INO80: variants seen among roughly 807,000 people sequenced by gnomAD.
INO80 encodes the protein INO80 complex ATPase subunit.
A neutral mutation model predicts 203.4 loss-of-function variants in INO80; 20 were observed. The ratio of observed to expected loss-of-function variants is 0.10; its 90% CI spans 0.07 to 0.14. INO80 has a LOEUF of 0.14. INO80 is among the 10% of genes least tolerant of loss of function. The probability of loss-of-function intolerance (pLI) is 1.00; values close to 1 mark genes in which losing one functional copy is unlikely to be tolerated. For synonymous variants in INO80, 726 were observed against 685.2 expected, an observed-to-expected ratio of 1.06 and a Z score of -0.93; for missense variants, 1,419 against 1,914.4, an observed-to-expected ratio of 0.74 and a Z score of 4.83.
At chr15:41,074,587 AAC>A in intron 9 of INO80, 22 bp from the exon 10 acceptor site, 1 of 1,537,426 alleles carries the variant, frequency 6.5e-7, no homozygotes, top group Non-Finnish European at 8.9e-7. Flanking sequence ...AAAAAGTGAA[AAC>A]AGAGCCAAAT....
intron 1 of INO80, among the ~76,000 whole-genome samples, chr15:41,111,531 A>G (rs867116357): frequency 5.9e-5 from 9 of 152,086 alleles, no homozygotes; most frequent in African/African-American, 1.7e-4. Context: ...AACAGGCCAC[A>G]CAGTGGCTCA....
chr15:41,072,209 A>AT, intron 11 of INO80, 151 bp from the exon 12 acceptor site: 1 of 547,356 alleles, frequency 1.8e-6, no homozygotes. Flanking sequence ...ACGTAGTATC[A>AT]TATGACATCA....
intron 12 of INO80, among the ~76,000 whole-genome samples, chr15:41,071,100 T>C (rs891864453): frequency 2.6e-5 from 4 of 152,046 alleles, no homozygotes; most frequent in African/African-American, 4.8e-5. Context: ...GCCCAGGAGT[T>C]TAAGGCTACA....
chr15:41,102,818 CTATT>C (rs1272585549), intron 1 of INO80, among the ~76,000 whole-genome samples: 4 of 152,150 alleles, frequency 2.6e-5, no homozygotes, highest in Non-Finnish European at 5.9e-5. Context: ...TTTGGATACT[CTATT>C]TAATAATCTT....
rs192335000 is a variant in INO80 at position 41,052,451 on chromosome 15, T to C, written c.2274+1478A>G. On this transcript the variant is annotated intron_variant, in intron 19 of 35. Transcript: ENST00000648947. Reference sequence around the variant, plus strand: ...ACTCTGGGAGGTTGAGGTGGGAGGATTGCTGGAGTCCAGGAGTTCAAGACT... The same window carrying C: ...ACTCTGGGAGGTTGAGGTGGGAGGACTGCTGGAGTCCAGGAGTTCAAGACT... 2.6e-5 allele frequency among the ~76,000 whole-genome samples: 4 copies of C among 151,666 alleles called. No homozygotes were observed. In the East Asian group the frequency reaches 5.8e-4, roughly 22 times the overall value.
intron 26 of INO80, among the ~76,000 whole-genome samples, chr15:41,019,012 A>T (rs1596263627): frequency 6.6e-6 from 1 of 152,248 alleles, no homozygotes; most frequent in African/African-American, 2.4e-5. Context: ...TACTTTCATT[A>T]GACACAGGTT....
chr15:41,023,392 TA>T (rs2044324872), intron 25 of INO80: 2 of 303,152 alleles, frequency 6.6e-6, no homozygotes, highest in South Asian at 1.7e-5. Flanking sequence ...GTTTAAAAAG[TA>T]AGTCTAGACT....
At chr15:41,053,899 G>A in intron 19 of INO80, 30 bp downstream of exon 19, 3 of 1,554,652 alleles carry the variant, frequency 1.9e-6, no homozygotes, top group Non-Finnish European at 1.8e-6. Context: ...GCCTATTGAG[G>A]CTTAAACACA....
intron 11 of INO80, 107 bp downstream of exon 11, chr15:41,073,321 G>A (rs2045353886): frequency 1.1e-6 from 1 of 941,596 alleles, no homozygotes; most frequent in Non-Finnish European, 1.7e-6. Flanking sequence ...GCTAGTCTAT[G>A]CTTTTAATTG....
rs192441144 is a variant in INO80, at chr15:41,039,354, T to G, written c.2907+5550A>C. On this transcript the variant is annotated intron_variant, in intron 24 of 35. Transcript: ENST00000648947. ...GAACTCTACCATTCATTATCTACCATTACTCAGGCAGTTAATTGTGTAGTA... is the reference window on the plus strand; with the variant it reads ...GAACTCTACCATTCATTATCTACCAGTACTCAGGCAGTTAATTGTGTAGTA... 2.0e-3 allele frequency among the ~76,000 whole-genome samples: 302 copies of G among 152,344 alleles called. 1 individual carries two copies. Among genetic ancestry groups the G allele is most frequent in the Non-Finnish European group, 3.7e-3 (251 of 68,030 alleles).
chr15:41,019,865 G>A (rs1045243338), intron 26 of INO80, among the ~76,000 whole-genome samples: 2 of 152,332 alleles, frequency 1.3e-5, no homozygotes, highest in East Asian at 3.9e-4. Context: ...TTATCTCTTA[G>A]AGACAGAAGA....
chr15:41,094,657 C>G (rs1379029410), intron 4 of INO80, among the ~76,000 whole-genome samples: 1 of 152,124 alleles, frequency 6.6e-6, no homozygotes, highest in Admixed American at 6.5e-5. Flanking sequence ...AATTATGGAA[C>G]TTATGGAATT....
intron 14 of INO80, among the ~76,000 whole-genome samples, chr15:41,069,168 G>A (rs955021338): frequency 2.6e-5 from 4 of 151,910 alleles, no homozygotes; most frequent in African/African-American, 7.3e-5. Flanking sequence ...TTGCTCTGTC[G>A]CCCTGGATGG....
chr15:41,055,822 T>A lies in INO80; in HGVS notation c.2071-458A>T, dbSNP rs1439686450. On this transcript the variant is annotated intron_variant, in intron 17 of 35. Coordinates refer to ENST00000648947, the MANE Select transcript of INO80 (RefSeq NM_017553.3). The stretch of plus-strand genomic sequence containing the variant: ...AAACATAGCCATGGCCATTCACTTA[T>A]GTATTGCCTATGGCTACTTTATTAC... Among the ~76,000 whole-genome samples the A allele has an allele frequency of 2.0e-5, 3 of 152,352 alleles. No individual in the cohort carries two copies. In the East Asian group the frequency reaches 5.8e-4, roughly 29 times the overall value.
Position 41,016,082 on chromosome 15 carries a change from T to C in INO80, c.3402+6A>G. 1 of 1,609,754 alleles carries C rather than the reference T, an allele frequency of 6.2e-7. No homozygotes were observed. Among genetic ancestry groups the C allele is most frequent in the South Asian group, 1.1e-5 (1 of 90,638 alleles). On this transcript the variant is annotated splice_donor_region_variant and intron_variant, in intron 27 of 35. Transcript: ENST00000648947. ...TATCCTAGGTCCCCAAGATTCCCTC[T>C]CCTACCTCCAGTAGGTCTATCATCC...
In INO80 at chr15:40,980,221, G is replaced by A. The variant is rs1893767473; in HGVS notation, c.*2C>T. On this transcript the variant is annotated 3_prime_UTR_variant, in exon 36 of 36. Transcript: ENST00000648947. The stretch of plus-strand genomic sequence containing the variant: ...TTGAAGGAAGTCGGAGGGCCCAGAT[G>A]GTTACCGTCCTCCAGAGGGGTTGGT... The A allele has an allele frequency of 6.2e-7, 1 of 1,611,822 alleles. No homozygotes were observed. Among genetic ancestry groups the A allele is most frequent in the Non-Finnish European group, 8.5e-7 (1 of 1,179,396 alleles).
At chr15:41,100,169 G>T (rs574406539) in intron 1 of INO80, among the ~76,000 whole-genome samples, 22 of 152,120 alleles carry the variant, frequency 1.4e-4, no homozygotes, top group African/African-American at 5.3e-4. Context: ...CTGCCTCCCA[G>T]GTTCACGCCA....
chr15:41,115,618 C>T (rs2046021816), intron 1 of INO80, among the ~76,000 whole-genome samples: 1 of 152,168 alleles, frequency 6.6e-6, no homozygotes, highest in Admixed American at 6.5e-5. Flanking sequence ...CCTGCCCCTG[C>T]CCACCCCCAA....
At chr15:41,115,237 G>A (rs1436706311) in intron 1 of INO80, among the ~76,000 whole-genome samples, 2 of 152,212 alleles carry the variant, frequency 1.3e-5, no homozygotes, top group Non-Finnish European at 2.9e-5. Context: ...ACAGTTGGCT[G>A]TTAACTAGAA....
Sources: gnomAD v4.1 joint callset for allele counts (sites outside exome capture counted in the v4.1 genomes callset) on GRCh38, gnomAD v4.1.1 for gene constraint, MANE v1.5 for transcripts, NCBI Gene and HGNC (gene_info 2026-07-23, HGNC 2026-07-21) for gene names.